The following GARNL3 variants were observed in gnomAD, a reference collection of about 807,000 sequenced individuals.
GARNL3 encodes the protein GTPase-activating Rap/Ran-GAP domain-like protein 3.
A neutral mutation model predicts 125.0 loss-of-function variants in GARNL3; 63 were observed. The observed-to-expected ratio is 0.50, with a 90% confidence interval of 0.41 to 0.62. GARNL3 has a LOEUF of 0.62. GARNL3 is among the 20% of genes least tolerant of loss of function. GARNL3 has a pLI of 0.00. For synonymous variants in GARNL3, 439 were observed against 457.5 expected, an observed-to-expected ratio of 0.96 and a Z score of 0.52; for missense variants, 994 against 1,244.0, an observed-to-expected ratio of 0.80 and a Z score of 3.02.
chr9:127,372,396 A>AT (rs961218164), intron 22 of GARNL3, among the ~76,000 whole-genome samples: 4 of 152,342 alleles, frequency 2.6e-5, no homozygotes, highest in Admixed American at 2.6e-4. Flanking sequence ...GGAGATAATG[A>AT]TAATATGTGT....
intron 1 of GARNL3, among the ~76,000 whole-genome samples, chr9:127,273,254 G>C (rs1016069661): frequency 1.3e-5 from 2 of 152,082 alleles, no homozygotes; most frequent in Middle Eastern, 6.3e-3. Context: ...ATCTGCCTCC[G>C]AGAGCCCCTG....
In GARNL3 at chr9:127,379,064, C is replaced by T. The variant is rs576803146; in HGVS notation, c.2162-4374C>T. Among the ~76,000 whole-genome samples, 11 of 152,326 alleles carry T rather than the reference C, an allele frequency of 7.2e-5. No homozygotes were observed. The East Asian group carries it at 2.1e-3, about 29-fold the overall frequency. Reference sequence around the variant, plus strand: ...AAGTGCTGAGATTACAGGTGTGAGCCACTGAGCCCGGACAACAGTGATTTA... The same window carrying T: ...AAGTGCTGAGATTACAGGTGTGAGCTACTGAGCCCGGACAACAGTGATTTA... On this transcript the variant is annotated intron_variant, in intron 22 of 27. Coordinates refer to ENST00000373387, the MANE Select transcript of GARNL3 (RefSeq NM_032293.5).
chr9:127,274,688 C>T (rs572143161), intron 1 of GARNL3, among the ~76,000 whole-genome samples: 113 of 152,206 alleles, frequency 7.4e-4, no homozygotes, highest in Non-Finnish European at 1.4e-3. Context: ...CTCCAGTAGT[C>T]TTCAACTGAT....
At chr9:127,256,878 A>T (rs780514584) in intron 2 of GARNL3, among the ~76,000 whole-genome samples, 8 of 152,284 alleles carry the variant, frequency 5.3e-5, no homozygotes, top group African/African-American at 1.4e-4. Flanking sequence ...GTTTTATTAC[A>T]TGTGTAGGTT....
At chr9:127,227,014 G>A (rs2062925657) in intron 1 of GARNL3, among the ~76,000 whole-genome samples, 1 of 152,252 alleles carries the variant, frequency 6.6e-6, no homozygotes, top group East Asian at 1.9e-4. Flanking sequence ...CTGTGGCCAT[G>A]CAGCACTTGT....
chr9:127,379,962 T>C (rs896807059), intron 22 of GARNL3, among the ~76,000 whole-genome samples: 2 of 152,240 alleles, frequency 1.3e-5, no homozygotes, highest in East Asian at 3.9e-4. Flanking sequence ...GGTGGATCAC[T>C]TGTGGTCAGG....
At chr9:127,326,814 T>C (rs1337997779) in intron 7 of GARNL3, among the ~76,000 whole-genome samples, 1 of 152,172 alleles carries the variant, frequency 6.6e-6, no homozygotes, top group Non-Finnish European at 1.5e-5. Flanking sequence ...GGAGCTTGTT[T>C]GCCCCTTTCA....
chr9:127,377,504 C>T (rs187139399), intron 22 of GARNL3, among the ~76,000 whole-genome samples: 2 of 152,094 alleles, frequency 1.3e-5, no homozygotes, highest in Non-Finnish European at 2.9e-5. Flanking sequence ...AAGCAGAAGC[C>T]GGCCAGGAGG....
chr9:127,360,723 G>A (rs1256481449), intron 21 of GARNL3, among the ~76,000 whole-genome samples: 1 of 152,120 alleles, frequency 6.6e-6, no homozygotes, highest in Non-Finnish European at 1.5e-5. Context: ...CTGCCTGCCC[G>A]CCTCTGTGGG....
At chr9:127,354,843 AGT>A (rs2131668421) in intron 19 of GARNL3, among the ~76,000 whole-genome samples, 1 of 152,190 alleles carries the variant, frequency 6.6e-6, no homozygotes, top group African/African-American at 2.4e-5. Flanking sequence ...CCCAGGCTGG[AGT>A]GCAGTGGCAC....
intron 2 of GARNL3, among the ~76,000 whole-genome samples, chr9:127,295,211 C>T (rs2064551976): frequency 6.6e-6 from 1 of 152,218 alleles, no homozygotes; most frequent in African/African-American, 2.4e-5. Flanking sequence ...ACTTACATGC[C>T]ACAGGCATGT....
In GARNL3 at chr9:127,332,263, ATTAT is replaced by A. The variant is rs1187988092; in HGVS notation, c.595-10_595-7del. On this transcript the variant is annotated splice_polypyrimidine_tract_variant and splice_region_variant and intron_variant, in intron 7 of 27. Coordinates refer to ENST00000373387, the MANE Select transcript of GARNL3 (RefSeq NM_032293.5). Reference sequence around the variant, plus strand: ...AAAATTAACTGTAACACCTTTTGTTATTATCCTAAGGGCTCTGTGAATTTCAAGT... The same window carrying A: ...AAAATTAACTGTAACACCTTTTGTTACCTAAGGGCTCTGTGAATTTCAAGT... 6.2e-7 allele frequency: 1 copy of A among 1,606,680 alleles called. No individual in the cohort carries two copies. Among genetic ancestry groups the A allele is most frequent in the Non-Finnish European group, 8.5e-7 (1 of 1,173,412 alleles).
At chr9:127,231,938 C>T (rs558401687) in intron 1 of GARNL3, among the ~76,000 whole-genome samples, 1 of 152,276 alleles carries the variant, frequency 6.6e-6, no homozygotes, top group East Asian at 1.9e-4. Context: ...ATACTGCTGG[C>T]CCAGGGACAT....
chr9:127,278,069 A>G (rs2064003519), intron 1 of GARNL3, among the ~76,000 whole-genome samples: 1 of 152,122 alleles, frequency 6.6e-6, no homozygotes, highest in Non-Finnish European at 1.5e-5. Context: ...ATATTACTTC[A>G]TAGTATTTTT....
intron 2 of GARNL3, among the ~76,000 whole-genome samples, chr9:127,256,628 A>G (rs892237199): frequency 1.3e-5 from 2 of 152,218 alleles, no homozygotes; most frequent in Non-Finnish European, 2.9e-5. Flanking sequence ...CCGTTTATTA[A>G]GTGAGTGAAA....
chr9:127,262,290 GT>G (rs1173310403), upstream of GARNL3, among the ~76,000 whole-genome samples: 3 of 152,210 alleles, frequency 2.0e-5, no homozygotes, highest in Non-Finnish European at 4.4e-5. Flanking sequence ...TAGTACAGAT[GT>G]TTTTTGTGGT....
At chr9:127,343,437 C>A (rs1829975338) in intron 14 of GARNL3, among the ~76,000 whole-genome samples, 1 of 152,180 alleles carries the variant, frequency 6.6e-6, no homozygotes, top group African/African-American at 2.4e-5. Flanking sequence ...GCTTCCCTAG[C>A]CCCCCAGTTG....
At chr9:127,313,875 T>G (rs1348243615) in intron 4 of GARNL3, among the ~76,000 whole-genome samples, 1 of 152,226 alleles carries the variant, frequency 6.6e-6, no homozygotes, top group African/African-American at 2.4e-5. Context: ...CCTTTACAAT[T>G]TTTTTGCCTC....
At chr9:127,261,394 G>GT (rs1007972777), upstream of GARNL3, among the ~76,000 whole-genome samples, 16 of 142,526 alleles carry the variant, frequency 1.1e-4, no homozygotes, top group Non-Finnish European at 1.7e-4. Context: ...ATGGGAAGGT[G>GT]TTTTTTTTGT....
Sources: allele counts gnomAD v4.1 joint callset (sites outside exome capture counted in the v4.1 genomes callset), GRCh38; gene constraint gnomAD v4.1.1; transcripts MANE v1.5; gene names NCBI Gene and HGNC (gene_info 2026-07-23, HGNC 2026-07-21).